Variants in CFAP99 observed in about 807,000 individuals in gnomAD.
CFAP99 encodes the protein cilia and flagella associated protein 99.
A neutral mutation model predicts 82.7 loss-of-function variants in CFAP99; 84 were observed. The observed-to-expected ratio is 1.02, with a 90% CI of 0.85 to 1.22. The LOEUF is 1.22. Ranked by LOEUF, CFAP99 falls within the 50% of genes most tolerant of loss-of-function variation. The probability of loss-of-function intolerance (pLI) is 0.00; values close to 1 mark genes in which losing one functional copy is unlikely to be tolerated. For missense variants in CFAP99, 1,059 were observed against 983.5 expected (o/e 1.08, Z -1.03); for synonymous variants, 456 against 429.5 (o/e 1.06, Z -0.76).
At chr4:2,452,449 C>T (rs1578480158) in intron 11 of CFAP99, 103 bp downstream of exon 11, 7 of 1,238,728 alleles carry the variant, frequency 5.7e-6, no homozygotes, top group South Asian at 2.7e-5. Context: ...GTGTCCACAG[C>T]GCCCCCGTAG....
chr4:2,431,993 T>C (rs2108714968), intron 2 of CFAP99, among the ~76,000 whole-genome samples: 1 of 152,330 alleles, frequency 6.6e-6, no homozygotes, highest in African/African-American at 2.4e-5. Flanking sequence ...TAGGAAACTG[T>C]GTTTGGATAC....
intron 13 of CFAP99, 62 bp downstream of exon 13, chr4:2,459,320 G>C: frequency 6.9e-7 from 1 of 1,459,156 alleles, no homozygotes; most frequent in Non-Finnish European, 9.1e-7. Flanking sequence ...ACTGCCATGA[G>C]AGGCAGTTTC....
At chr4:2,451,266 T>C in exon 10 of CFAP99, 1 of 1,536,036 alleles carries the variant, frequency 6.5e-7, no homozygotes, top group Non-Finnish European at 8.7e-7. Flanking sequence ...TCCCGCAGCC[T>C]GACAACATCC....
At chr4:2,441,384 A>AAT (rs1170178953) in intron 4 of CFAP99, among the ~76,000 whole-genome samples, 1 of 151,686 alleles carries the variant, frequency 6.6e-6, no homozygotes, top group Non-Finnish European at 1.5e-5. Flanking sequence ...AAAAAAAAAA[A>AAT]AAAAAAATTG....
At chr4:2,444,500 C>T (rs891853379) in intron 5 of CFAP99, among the ~76,000 whole-genome samples, 3 of 152,176 alleles carry the variant, frequency 2.0e-5, no homozygotes, top group Non-Finnish European at 4.4e-5. Context: ...CCTGGGAGCC[C>T]ACACAAGAGG....
rs1437447117 is a variant in CFAP99, at chr4:2,453,520, C to A, written c.1161+1174C>A. ...GTGAGAGGGGTCTGATCCGCATGCCCCGCCACAGAGTGTACCAGGCTGAAT... is the reference window on the plus strand; with the variant it reads ...GTGAGAGGGGTCTGATCCGCATGCCACGCCACAGAGTGTACCAGGCTGAAT... On this transcript the variant is annotated intron_variant, in intron 11 of 14. Transcript: ENST00000635017. Among the ~76,000 whole-genome samples the A allele has an allele frequency of 3.8e-4, 58 of 152,178 alleles. 1 individual carries two copies. Among genetic ancestry groups the A allele is most frequent in the Admixed American group, 3.8e-3 (58 of 15,272 alleles).
chr4:2,430,988 C>A (rs1362097625), intron 2 of CFAP99, among the ~76,000 whole-genome samples: 1 of 150,936 alleles, frequency 6.6e-6, no homozygotes, highest in Non-Finnish European at 1.5e-5. Flanking sequence ...AGGAGGATTG[C>A]TTGAGTCCAG....
At chr4:2,459,053 C>T in intron 12 of CFAP99, 54 bp from the exon 13 acceptor site, 10 of 1,468,070 alleles carry the variant, frequency 6.8e-6, no homozygotes, top group Non-Finnish European at 7.2e-6. Context: ...CCTTCCTGTC[C>T]AGCCCCTGCC....
chr4:2,458,833 G>C (rs1734500588), exon 12 of CFAP99: 1 of 1,535,676 alleles, frequency 6.5e-7, no homozygotes, highest in South Asian at 1.2e-5. Context: ...AGGCGGCCCA[G>C]ACGAAGCTCG....
rs761101470 is a variant in CFAP99, at chr4:2,458,681, G to A, written c.1162-42G>A. ...TGGGGCGGGACCAGGCAGGGAAGCC[G>A]GAGCAGCCCCACTCACCGTGGCAGG... On this transcript the variant is annotated intron_variant, in intron 11 of 14. Transcript: ENST00000635017. 2.5e-5 allele frequency: 38 copies of A among 1,508,804 alleles called. No individual in the cohort carries two copies. In the East Asian group the frequency reaches 3.7e-4, roughly 15 times the overall value. The allele number at this position is 1,508,804 out of a possible 1,614,324, so 93.5% of individuals were successfully genotyped here. A position where few individuals can be genotyped will look rare whatever the true frequency, so the allele number is the denominator to read the frequency against.
exon 1 of CFAP99, chr4:2,419,015 AG>A (rs1733451825): frequency 6.6e-6 from 1 of 152,078 alleles, no homozygotes; most frequent in Non-Finnish European, 1.5e-5. Context: ...CCAACACCTT[AG>A]CCCCAGCTGG....
rs183190484 is a variant in CFAP99 at position 2,456,910 on chromosome 4, T to C, written c.1162-1813T>C. Reference sequence around the variant, plus strand: ...CTCAACTCCTGGGTGAGGAATGACATTTCATGTTTTGGATGTCATGGGTAA... The same window carrying C: ...CTCAACTCCTGGGTGAGGAATGACACTTCATGTTTTGGATGTCATGGGTAA... On this transcript the variant is annotated intron_variant, in intron 11 of 14. Transcript: ENST00000635017. Among the ~76,000 whole-genome samples, 5 of 152,126 alleles carry C rather than the reference T, an allele frequency of 3.3e-5. No individual in the cohort carries two copies. In the East Asian group the frequency reaches 9.7e-4, roughly 29 times the overall value.
intron 14 of CFAP99, among the ~76,000 whole-genome samples, chr4:2,461,814 G>A (rs1734626848): frequency 2.0e-5 from 3 of 151,986 alleles, no homozygotes. Flanking sequence ...CAATCAGAAG[G>A]ATCAAGGGCC....
At chr4:2,459,877 G>A (rs774436806) in intron 13 of CFAP99, among the ~76,000 whole-genome samples, 160 bp from the exon 14 acceptor site, 13 of 152,354 alleles carry the variant, frequency 8.5e-5, no homozygotes, top group Non-Finnish European at 1.8e-4. Flanking sequence ...TTGCAGAGCG[G>A]AGCCCAGGCT....
At chr4:2,438,508 C>T (rs531693878) in intron 4 of CFAP99, among the ~76,000 whole-genome samples, 42 of 152,162 alleles carry the variant, frequency 2.8e-4, no homozygotes, top group Non-Finnish European at 5.4e-4. Flanking sequence ...GTGATCCGCC[C>T]GCCTCGGCCT....
At position 2,452,357 on chromosome 4, in the gene CFAP99, T is replaced by C; in HGVS notation, c.1161+11T>C. 1 of 1,532,334 alleles carries C rather than the reference T, an allele frequency of 6.5e-7. No homozygotes were observed. The highest frequency in any genetic ancestry group is 8.7e-7 in the Non-Finnish European group (1 of 1,145,386). The allele number at this position is 1,532,334 out of a possible 1,614,324, so 94.9% of individuals were successfully genotyped here. ...CAGCAGAAGGAGCAGGTGGGTGCCA[T>C]GCAGGGCAGCTGGGCATGGGGCAGC... On this transcript the variant is annotated intron_variant, in intron 11 of 14. Transcript: ENST00000635017.
At chr4:2,433,428 G>T (rs183314472) in intron 2 of CFAP99, among the ~76,000 whole-genome samples, 3 of 137,734 alleles carry the variant, frequency 2.2e-5, no homozygotes, top group Non-Finnish European at 4.5e-5. Flanking sequence ...TACACGGGGC[G>T]GGGGGGGGAC....
At chr4:2,440,897 AT>A (rs1254907080) in intron 4 of CFAP99, among the ~76,000 whole-genome samples, 1 of 151,558 alleles carries the variant, frequency 6.6e-6, no homozygotes, top group Non-Finnish European at 1.5e-5. Context: ...CCCGGCCAAA[AT>A]TTTTTTTAAA....
chr4:2,423,427 G>A lies in CFAP99; in HGVS notation c.-17-3032G>A, dbSNP rs1055920843. Among the ~76,000 whole-genome samples, 3 of 152,322 alleles carry A rather than the reference G, an allele frequency of 2.0e-5. No individual in the cohort carries two copies. In the South Asian group the frequency reaches 6.2e-4, roughly 32 times the overall value. On this transcript the variant is annotated intron_variant, in intron 1 of 14. Coordinates refer to ENST00000635017, the Ensembl canonical transcript of CFAP99. The stretch of plus-strand genomic sequence containing the variant: ...TCCTGCCTTGGCAGGCTCAGGGGAG[G>A]GTGCTCAGTGGGCCTCCTGGGCCTT...
Sources: gnomAD v4.1 joint callset for allele counts (sites outside exome capture counted in the v4.1 genomes callset) on GRCh38, gnomAD v4.1.1 for gene constraint, MANE v1.5 for transcripts, NCBI Gene and HGNC (gene_info 2026-07-23, HGNC 2026-07-21) for gene names.